BET1: variants seen among roughly 807,000 people sequenced by gnomAD.
BET1 encodes BET1 homolog.
BET1 carries 9 observed loss-of-function variants against 13.9 expected under a neutral mutation model. That is an observed-to-expected ratio of 0.65 (90% confidence interval 0.39 to 1.13). The LOEUF (loss-of-function observed/expected upper bound fraction) is 1.13, where lower values mean the gene tolerates loss of function less well. BET1 is among the 50% of genes most tolerant of loss of function. The probability of loss-of-function intolerance (pLI) is 0.01; values close to 1 mark genes in which losing one functional copy is unlikely to be tolerated. For missense variants in BET1, 127 were observed against 133.6 expected (o/e 0.95, Z 0.24); for synonymous variants, 39 against 47.3 (o/e 0.82, Z 0.72).
intron 1 of BET1, chr7:93,999,799 G>A (rs1795856112): frequency 2.4e-6 from 1 of 422,898 alleles, no homozygotes; most frequent in South Asian, 1.7e-5. Flanking sequence ...AGCAGGGAGG[G>A]GGCAAACTGA....
At chr7:94,003,472 G>C (rs1795958379) in intron 1 of BET1, among the ~76,000 whole-genome samples, 1 of 150,574 alleles carries the variant, frequency 6.6e-6, no homozygotes, top group Non-Finnish European at 1.5e-5. Flanking sequence ...AAAAAAAATC[G>C]TGTCCTAAGA....
At chr7:93,974,159 T>C (rs1189458915) in intron 5 of BET1, among the ~76,000 whole-genome samples, 2 of 152,040 alleles carry the variant, frequency 1.3e-5, no homozygotes, top group African/African-American at 2.4e-5. Context: ...CCCTGTAGTA[T>C]TGGATTGGAA....
intron 6 of BET1, among the ~76,000 whole-genome samples, chr7:93,969,862 C>T (rs1489509596): frequency 6.6e-6 from 1 of 151,606 alleles, no homozygotes; most frequent in Non-Finnish European, 1.5e-5. Context: ...TTCAAATGCC[C>T]TACTTGGTCT....
chr7:93,972,639 T>G lies in BET1; in HGVS notation c.*73A>C, dbSNP rs1584124988. 2.6e-5 allele frequency: 4 copies of G among 151,808 alleles called. No homozygotes were observed. In the East Asian group the frequency reaches 7.7e-4, roughly 29 times the overall value. 9.4% of individuals were successfully genotyped at this position (151,808 alleles called of 1,614,324 possible). ...CTTTTCAGAGTGGTAGAAAGCCATTTCCTACTAATCTAAAATAAGGATTCC... is the reference window on the plus strand; with the variant it reads ...CTTTTCAGAGTGGTAGAAAGCCATTGCCTACTAATCTAAAATAAGGATTCC... On this transcript the variant is annotated 3_prime_UTR_variant and NMD_transcript_variant, in exon 6 of 7. Transcript: ENST00000357520.
chr7:93,974,196 T>C (rs957178896), intron 5 of BET1, among the ~76,000 whole-genome samples: 1 of 152,028 alleles, frequency 6.6e-6, no homozygotes, highest in African/African-American at 2.4e-5. Context: ...GAATTCATCA[T>C]TTTTAAAGAT....
At chr7:93,996,108 G>T in intron 3 of BET1, 157 bp downstream of exon 3, 1 of 595,650 alleles carries the variant, frequency 1.7e-6, no homozygotes. Context: ...CAAAAGCATG[G>T]CAAAATAAAC....
chr7:93,994,276 G>T lies in BET1; in HGVS notation c.311C>A (p.Ser104Tyr). 9 of 1,609,908 alleles carry T rather than the reference G, an allele frequency of 5.6e-6. No individual in the cohort carries two copies. Among genetic ancestry groups the T allele is most frequent in the Non-Finnish European group, 7.6e-6 (9 of 1,178,656 alleles). ...TKLLCYMMLF[S>Y]LFVFFIIYWI... ...ATAAATGATAAAAAAGACAAATAAA[G>T]AAAACAGCATCATATAGCACAGCAG... The change falls in exon 4 of 4, where the codon TCT becomes TAT. Residue 104 changes from serine to tyrosine, a missense_variant. Coordinates refer to ENST00000222547, the MANE Select transcript of BET1 (RefSeq NM_005868.6).
chr7:93,966,774 GA>G (rs1795180512), intron 6 of BET1, among the ~76,000 whole-genome samples: 1 of 151,654 alleles, frequency 6.6e-6, no homozygotes, highest in Admixed American at 6.6e-5. Context: ...AATACAGGGG[GA>G]AGAAAAAAGA....
chr7:93,994,144 C>A lies in BET1; in HGVS notation c.*86G>T. ...TGGAAAATGCCACAGTATTTGAACA[C>A]TAGGAATGTTTTGATGCTGATTTTT... On this transcript the variant is annotated 3_prime_UTR_variant, in exon 4 of 4. Transcript: ENST00000222547. 1 of 1,502,064 alleles carries A rather than the reference C, an allele frequency of 6.7e-7. No individual in the cohort carries two copies. The highest frequency in any genetic ancestry group is 2.3e-5 in the East Asian group (1 of 43,638). 93.0% of individuals were successfully genotyped at this position (1,502,064 alleles called of 1,614,324 possible).
At chr7:93,972,122 G>A (rs966050026) in intron 6 of BET1, among the ~76,000 whole-genome samples, 8 of 151,828 alleles carry the variant, frequency 5.3e-5, no homozygotes, top group Non-Finnish European at 8.8e-5. Flanking sequence ...ACATTAGCAA[G>A]TCATTCCTTT....
chr7:93,969,734 A>G (rs1424712355), intron 6 of BET1: 2 of 151,752 alleles, frequency 1.3e-5, no homozygotes, highest in Non-Finnish European at 2.9e-5. Flanking sequence ...ATATTTCTAT[A>G]TTCTTTATTT....
intron 6 of BET1, among the ~76,000 whole-genome samples, chr7:93,966,267 G>T (rs972900024): frequency 2.6e-5 from 4 of 151,936 alleles, no homozygotes; most frequent in Non-Finnish European, 5.9e-5. Context: ...CTTCCAAGAA[G>T]TGCTTGCTTT....
At chr7:93,971,180 C>T (rs1044444595) in intron 6 of BET1, among the ~76,000 whole-genome samples, 3 of 151,692 alleles carry the variant, frequency 2.0e-5, no homozygotes, top group African/African-American at 4.8e-5. Context: ...AGCAGAAATA[C>T]CTATAGAATA....
intron 4 of BET1, among the ~76,000 whole-genome samples, chr7:93,977,276 C>G (rs953196857): frequency 6.6e-6 from 1 of 152,014 alleles, no homozygotes; most frequent in African/African-American, 2.4e-5. Flanking sequence ...GCCTGGCCAT[C>G]GTGGTGAAAC....
At chr7:93,998,469 C>T (rs908785224) in intron 2 of BET1, among the ~76,000 whole-genome samples, 2 of 151,910 alleles carry the variant, frequency 1.3e-5, no homozygotes, top group Admixed American at 6.6e-5. Flanking sequence ...GAGGCCAAGG[C>T]GGGCGGATCA....
chr7:93,969,479 T>A (rs1195423473), intron 6 of BET1: 1 of 151,770 alleles, frequency 6.6e-6, no homozygotes, highest in African/African-American at 2.4e-5. Context: ...AACTCACATT[T>A]TCCTACTCTA....
At chr7:93,998,506 C>T (rs1005955727) in intron 2 of BET1, among the ~76,000 whole-genome samples, 2 of 151,956 alleles carry the variant, frequency 1.3e-5, no homozygotes, top group African/African-American at 4.8e-5. Context: ...CAAGACCAGC[C>T]TGGCCAACAT....
downstream of BET1, chr7:93,991,877 A>T (rs1795644348): frequency 1.0e-6 from 1 of 974,458 alleles, no homozygotes; most frequent in South Asian, 4.8e-5. Flanking sequence ...CTTTTTCAAC[A>T]TTCTCTCAAA....
Position 93,994,138 on chromosome 7 carries a change from T to C in BET1, c.*92A>G. 1 of 1,493,350 alleles carries C rather than the reference T, an allele frequency of 6.7e-7. No individual in the cohort carries two copies. The highest frequency in any genetic ancestry group is 8.9e-7 in the Non-Finnish European group (1 of 1,127,350). The allele number at this position is 1,493,350 out of a possible 1,614,324, so 92.5% of individuals were successfully genotyped here. On this transcript the variant is annotated 3_prime_UTR_variant, in exon 4 of 4. Transcript: ENST00000222547. Reference sequence around the variant, plus strand: ...TTTCAATGGAAAATGCCACAGTATTTGAACACTAGGAATGTTTTGATGCTG... The same window carrying C: ...TTTCAATGGAAAATGCCACAGTATTCGAACACTAGGAATGTTTTGATGCTG...
Sources: gnomAD v4.1 joint callset for allele counts (sites outside exome capture counted in the v4.1 genomes callset) on GRCh38, gnomAD v4.1.1 for gene constraint, MANE v1.5 for transcripts, NCBI Gene and HGNC (gene_info 2026-07-23, HGNC 2026-07-21) for gene names.